Variants in FBXL19 observed in about 807,000 individuals in gnomAD.
The protein encoded by FBXL19 is F-box/LRR-repeat protein 19.
FBXL19 carries 16 observed loss-of-function variants against 71.2 expected under a neutral mutation model. The ratio of observed to expected loss-of-function variants is 0.22; its 90% CI spans 0.15 to 0.34. The LOEUF is 0.34. Ranked by LOEUF, FBXL19 falls within the 10% of genes least tolerant of loss-of-function variation. The probability of loss-of-function intolerance (pLI) is 1.00; values close to 1 mark genes in which losing one functional copy is unlikely to be tolerated. For missense variants in FBXL19, 658 were observed against 968.2 expected, an observed-to-expected ratio of 0.68 and a Z score of 4.25; for synonymous variants, 447 against 409.4, an observed-to-expected ratio of 1.09 and a Z score of -1.11.
chr16:30,928,355 G>A (rs997381537), intron 5 of FBXL19, 112 bp from the exon 6 acceptor site: 6 of 1,164,540 alleles, frequency 5.2e-6, no homozygotes, highest in African/African-American at 4.8e-5. Context: ...TCCCTGGGAC[G>A]GGGGCTTCTG....
intron 7 of FBXL19, among the ~76,000 whole-genome samples, chr16:30,934,166 A>G (rs1203626295): frequency 6.6e-6 from 1 of 152,014 alleles, no homozygotes; most frequent in East Asian, 1.9e-4. Context: ...GTTCGAGACC[A>G]GCCTCGCCAA....
chr16:30,938,064 C>T (rs542567241), intron 7 of FBXL19, among the ~76,000 whole-genome samples: 2 of 152,032 alleles, frequency 1.3e-5, no homozygotes, highest in East Asian at 3.9e-4. Flanking sequence ...GAGAGATTTG[C>T]AGATGTTTAT....
chr16:30,947,013 C>T, intron 10 of FBXL19, 39 bp from the exon 11 acceptor site: 1 of 1,576,512 alleles, frequency 6.3e-7, no homozygotes, highest in Non-Finnish European at 8.6e-7. Flanking sequence ...CAACCCCTTG[C>T]TCACCTGCCT....
At chr16:30,944,035 G>A (rs1438105903) in intron 9 of FBXL19, among the ~76,000 whole-genome samples, 1 of 152,150 alleles carries the variant, frequency 6.6e-6, no homozygotes, top group East Asian at 1.9e-4. Context: ...CTGAGTTGGA[G>A]AGCTATGGGT....
chr16:30,928,577 G>C lies in FBXL19; in HGVS notation c.738G>C (p.Pro246=), dbSNP rs773960782. Residue 246 remains proline (P), a synonymous_variant, in exon 6 of 11, where the codon CCG becomes CCC. Coordinates refer to ENST00000338343, the MANE Select transcript of FBXL19 (RefSeq NM_001382779.1). Reference sequence around the variant, plus strand: ...TGCTGCCCCCCAGGGTTCTGAATCCGAGCCAGGCTTTCTCATCCTGCCACC... The same window carrying C: ...TGCTGCCCCCCAGGGTTCTGAATCCCAGCCAGGCTTTCTCATCCTGCCACC... ...PGLLPPRVLN[P]SQAFSSCHPG... 6.2e-7 allele frequency: 1 copy of C among 1,605,356 alleles called. No individual in the cohort carries two copies. The highest frequency in any genetic ancestry group is 8.5e-7 in the Non-Finnish European group (1 of 1,176,162).
In FBXL19 at chr16:30,925,894, G is replaced by A. The variant is rs866215911; in HGVS notation, c.140G>A (p.Arg47His). The A allele has an allele frequency of 2.7e-6, 4 of 1,500,634 alleles. No individual in the cohort carries two copies. The highest frequency in any genetic ancestry group is 2.5e-5 in the East Asian group (1 of 39,492). The allele number at this position is 1,500,634 out of a possible 1,614,324, so 93.0% of individuals were successfully genotyped here. A position where few individuals can be genotyped will look rare whatever the true frequency, so the allele number is the denominator to read the frequency against. The change falls in exon 2 of 11, where the codon CGC becomes CAC. Residue 47 changes from arginine (R) to histidine (H), a missense_variant. By Grantham distance (29) the Arg-to-His change is conservative (BLOSUM62 0). Coordinates refer to ENST00000338343, the MANE Select transcript of FBXL19 (RefSeq NM_001382779.1). This position sits in a 1 kb window ranked among gnomAD's most constrained non-coding sequence, Gnocchi z 5.0. ...ATGAAGAAGTTCGGGGGGCCCGGGCGCATGAAGCAGTCGTGCCTGCTCCGG... is the reference window on the plus strand; with the variant it reads ...ATGAAGAAGTTCGGGGGGCCCGGGCACATGAAGCAGTCGTGCCTGCTCCGG... ...RDMKKFGGPGRMKQSCLLRQC... is the reference protein window; with the variant it reads ...RDMKKFGGPGHMKQSCLLRQC...
chr16:30,942,102 C>G lies in FBXL19; in HGVS notation c.1302-14C>G, dbSNP rs758766679. 2.3e-5 allele frequency: 35 copies of G among 1,555,086 alleles called. No individual in the cohort carries two copies. The highest frequency in any genetic ancestry group is 1.4e-4 in the South Asian group (12 of 83,602). ...TGAGGGCTGAGGTCTCTGTCTCCCC[C>G]CTATGGCCGCCAGGTGCTATGACAA... On this transcript the variant is annotated splice_polypyrimidine_tract_variant and intron_variant, in intron 7 of 10. Transcript: ENST00000338343. This position sits in a 1 kb window ranked among gnomAD's most constrained non-coding sequence, Gnocchi z 5.7.
At chr16:30,940,966 GCC>G (rs2055796036) in intron 7 of FBXL19, among the ~76,000 whole-genome samples, 1 of 151,816 alleles carries the variant, frequency 6.6e-6, no homozygotes, top group African/African-American at 2.4e-5. Flanking sequence ...ACTGCACCCA[GCC>G]CACTGCATGT....
At position 30,946,842 on chromosome 16, in the gene FBXL19, C is replaced by A. The variant is rs781597320; in HGVS notation, c.1740C>A (p.Ser580Arg). Residue 580 changes from serine (S) to arginine (R), a missense_variant, in exon 10 of 11, where the codon AGC becomes AGA. Ser to Arg is a moderately radical substitution (Grantham distance 110). This residue lies in a region of FBXL19 where 69 missense variants were observed against 177.8 expected (regional missense o/e 0.39). Coordinates refer to ENST00000338343, the MANE Select transcript of FBXL19 (RefSeq NM_001382779.1). The surrounding 1 kb of genome is among the most constrained non-coding windows in gnomAD (Gnocchi z 6.7). ...TGCTGCGTCACGCACCCCAGCTGAGCGCCCTGGACCTGAGCCACTGCGCCC... is the reference window on the plus strand; with the variant it reads ...TGCTGCGTCACGCACCCCAGCTGAGAGCCCTGGACCTGAGCCACTGCGCCC... ...RLLLRHAPQL[S>R]ALDLSHCAHV... 6.2e-7 allele frequency: 1 copy of A among 1,612,026 alleles called. No individual in the cohort carries two copies. Among genetic ancestry groups the A allele is most frequent in the East Asian group, 2.2e-5 (1 of 44,870 alleles).
At chr16:30,923,216 C>CG (rs915271915), upstream of FBXL19, 19 of 456,266 alleles carry the variant, frequency 4.2e-5, no homozygotes, top group Admixed American at 1.6e-4. Context: ...GAGGTCGGGT[C>CG]GGGGGAGAAG....
At chr16:30,927,262 C>T (rs1197347550) in intron 2 of FBXL19, 46 bp from the exon 3 acceptor site, 1 of 1,517,778 alleles carries the variant, frequency 6.6e-7, no homozygotes, top group South Asian at 1.3e-5. Flanking sequence ...GGTCTTTCCC[C>T]TGTTGTTAGC....
At chr16:30,928,909 C>T (rs932628069) in intron 6 of FBXL19, among the ~76,000 whole-genome samples, 2 of 152,110 alleles carry the variant, frequency 1.3e-5, no homozygotes, top group African/African-American at 2.4e-5. Context: ...TCTGTCCGAC[C>T]GTTTACTCTT....
intron 2 of FBXL19, among the ~76,000 whole-genome samples, chr16:30,926,258 GC>G (rs2055589535): frequency 6.6e-6 from 1 of 152,152 alleles, no homozygotes; most frequent in Non-Finnish European, 1.5e-5. Flanking sequence ...CCCAGAGATG[GC>G]CCCCTTCCAA....
At chr16:30,928,108 GT>G in intron 5 of FBXL19, 145 bp downstream of exon 5, 1 of 616,822 alleles carries the variant, frequency 1.6e-6, no homozygotes, top group African/African-American at 1.9e-5. Context: ...CAGGAGTTGG[GT>G]GGGGGGAGGA....
intron 7 of FBXL19, among the ~76,000 whole-genome samples, chr16:30,936,615 T>G (rs1160766894): frequency 7.4e-5 from 11 of 147,814 alleles, no homozygotes; most frequent in Admixed American, 4.0e-4. Flanking sequence ...TTTTTTTTTT[T>G]TTTTTGTTTT....
chr16:30,943,035 C>T (rs780060861), intron 9 of FBXL19, among the ~76,000 whole-genome samples: 14 of 152,362 alleles, frequency 9.2e-5, no homozygotes, highest in Middle Eastern at 3.4e-3. Context: ...TCCCTGAGGG[C>T]AAGCGCTGGC....
At chr16:30,941,911 A>T (rs1596656639) in intron 7 of FBXL19, among the ~76,000 whole-genome samples, 1 of 152,154 alleles carries the variant, frequency 6.6e-6, no homozygotes, top group African/African-American at 2.4e-5. Context: ...AGAGGAACAG[A>T]CTTGCCCAGG....
At chr16:30,927,984 A>G in intron 5 of FBXL19, 21 bp downstream of exon 5, 6 of 1,374,916 alleles carry the variant, frequency 4.4e-6, no homozygotes, top group Non-Finnish European at 5.7e-6. Flanking sequence ...GAGCACGCTC[A>G]CTAGGCTTGT....
Position 30,927,325 on chromosome 16 carries a change from A to C in FBXL19, c.195A>C (p.Thr65=), listed in dbSNP as rs1356079551. 6.3e-7 allele frequency: 1 copy of C among 1,577,166 alleles called. No individual in the cohort carries two copies. Among genetic ancestry groups the C allele is most frequent in the Non-Finnish European group, 8.6e-7 (1 of 1,161,042 alleles). ...RQCTAPVLPH[T]AVCLLCGEAG... ...CCCAACAGCCCGTGCTCCCACACACAGCTGTGTGCCTCTTGTGTGGGGAGG... is the reference window on the plus strand; with the variant it reads ...CCCAACAGCCCGTGCTCCCACACACCGCTGTGTGCCTCTTGTGTGGGGAGG... The change falls in exon 3 of 11, where the codon ACA becomes ACC. Residue 65 remains threonine, a synonymous_variant. Transcript: ENST00000338343.
Sources: gnomAD v4.1 joint callset for allele counts (sites outside exome capture counted in the v4.1 genomes callset) on GRCh38, gnomAD v4.1.1 for gene constraint, gnomAD v4.1.1 regional missense constraint, Gnocchi (gnomAD v3.1) non-coding constraint, MANE v1.5 for transcripts, NCBI Gene and HGNC (gene_info 2026-07-23, HGNC 2026-07-21) for gene names.